LEMD2: variants seen among roughly 807,000 people sequenced by gnomAD.
The protein encoded by LEMD2 is LEM domain-containing protein 2.
In LEMD2, 34 loss-of-function variants were observed where a neutral mutation model predicts 58.8. The ratio of observed to expected loss-of-function variants is 0.58; its 90% CI spans 0.44 to 0.77. LEMD2 has a LOEUF of 0.77. Ranked by LOEUF, LEMD2 falls within the 30% of genes least tolerant of loss-of-function variation. The probability of loss-of-function intolerance (pLI) is 0.00; values close to 1 mark genes in which losing one functional copy is unlikely to be tolerated. For synonymous variants in LEMD2, 298 were observed against 308.9 expected (o/e 0.96, Z 0.37); for missense variants, 629 against 717.9 (o/e 0.88, Z 1.42).
intron 8 of LEMD2, among the ~76,000 whole-genome samples, chr6:33,776,338 T>G (rs540541921): frequency 1.6e-4 from 24 of 152,358 alleles, no homozygotes; most frequent in African/African-American, 5.8e-4. Context: ...AACAGACATG[T>G]AAGAGATTCT....
At position 33,771,827 on chromosome 6, in the gene LEMD2, G is replaced by A. The variant is rs905624466; in HGVS notation, c.*801C>T. 2.0e-5 allele frequency: 3 copies of A among 152,308 alleles called. No homozygotes were observed. The highest frequency in any genetic ancestry group is 7.2e-5 in the African/African-American group (3 of 41,466). 9.4% of individuals were successfully genotyped at this position (152,308 alleles called of 1,614,324 possible). A position where few individuals can be genotyped will look rare whatever the true frequency, so the allele number is the denominator to read the frequency against. On this transcript the variant is annotated 3_prime_UTR_variant, in exon 9 of 9. Coordinates refer to ENST00000293760, the MANE Select transcript of LEMD2 (RefSeq NM_181336.4). ...GCAAGGCGATCTTCGCACACAGCAA[G>A]TGCGAGGCTCTGGGCCCTGACGCAG...
chr6:33,779,842 C>T (rs984818686), intron 5 of LEMD2: 5 of 419,536 alleles, frequency 1.2e-5, no homozygotes, highest in Non-Finnish European at 2.2e-5. Context: ...TTACCTGAGA[C>T]AGGATTTAGC....
intron 1 of LEMD2, 57 bp downstream of exon 1, chr6:33,788,323 GT>G: frequency 6.8e-7 from 1 of 1,478,430 alleles, no homozygotes; most frequent in South Asian, 1.2e-5. Context: ...GGAACGGGGG[GT>G]CCTCCGGCGG....
intron 3 of LEMD2, 38 bp downstream of exon 3, chr6:33,784,314 T>G (rs1443185317): frequency 5.9e-6 from 9 of 1,526,606 alleles, no homozygotes; most frequent in Non-Finnish European, 7.3e-6. Context: ...CCCATAGCTC[T>G]CACAAGAGGA....
intron 2 of LEMD2, among the ~76,000 whole-genome samples, chr6:33,786,489 C>T (rs1767679822): frequency 6.6e-6 from 1 of 152,208 alleles, no homozygotes. Context: ...CCCGATGCTA[C>T]ATTTGATGGG....
chr6:33,780,085 C>A lies in LEMD2; in HGVS notation c.1010+15G>T. On this transcript the variant is annotated intron_variant, in intron 5 of 8. Transcript: ENST00000293760. The stretch of plus-strand genomic sequence containing the variant: ...GCAGGCACCCATGCTGCGTCGCCAC[C>A]CTGCCCACACTCACCAGATGCCCAC... 2 of 1,576,884 alleles carry A rather than the reference C, an allele frequency of 1.3e-6. No homozygotes were observed. Among genetic ancestry groups the A allele is most frequent in the East Asian group, 2.3e-5 (1 of 43,226 alleles).
rs778587180 is a variant in LEMD2 at position 33,778,244 on chromosome 6, CAGA to C, written c.1151_1153del (p.Phe384del). 6.9e-6 allele frequency: 11 copies of C among 1,592,158 alleles called. No individual in the cohort carries two copies. Among genetic ancestry groups the C allele is most frequent in the East Asian group, 4.5e-5 (2 of 43,970 alleles). On this transcript the variant is annotated inframe_deletion, in exon 6 of 9. Coordinates refer to ENST00000293760, the MANE Select transcript of LEMD2 (RefSeq NM_181336.4). The surrounding 1 kb of genome is among the most constrained non-coding windows in gnomAD (Gnocchi z 4.7). Reference sequence around the variant, plus strand: ...AGGGAAGGCGGCCGAGGACTTACACCAGAAGAAGATGAGCACGTTGGTGACAGC... The same window carrying C: ...AGGGAAGGCGGCCGAGGACTTACACCAGAAGATGAGCACGTTGGTGACAGC...
chr6:33,780,169 C>A lies in LEMD2; in HGVS notation c.941G>T (p.Ser314Ile). 1 of 1,589,986 alleles carries A rather than the reference C, an allele frequency of 6.3e-7. No homozygotes were observed. Reference sequence around the variant, plus strand: ...GGCTTCAAACTTGGCGGAGGAGCTGCTGGTCACATTCTGTGGGAGGGCGCG... The same window carrying A: ...GGCTTCAAACTTGGCGGAGGAGCTGATGGTCACATTCTGTGGGAGGGCGCG... ...EAQEYIANVT[S>I]SSSAKFEAAL... The change falls in exon 5 of 9, where the codon AGC (serine) becomes ATC (isoleucine). Residue 314 changes from serine (S) to isoleucine (I), a missense_variant. Physicochemically the swap from Ser to Ile is moderately radical, Grantham distance 142 (BLOSUM62 -2). Coordinates refer to ENST00000293760, the MANE Select transcript of LEMD2 (RefSeq NM_181336.4).
At position 33,776,990 on chromosome 6, in the gene LEMD2, A is replaced by G; in HGVS notation, c.1325T>C (p.Leu442Pro). Residue 442 changes from leucine (L) to proline (P), a missense_variant, in exon 8 of 9, where the codon CTG (leucine) becomes CCG (proline). Around this residue, in one of 2 missense-constraint regions of LEMD2, gnomAD observed 243 missense variants for 336.8 expected, o/e 0.72. Transcript: ENST00000293760. Reference sequence around the variant, plus strand: ...AGGGATCAAGCTGTCGCGCACGTGCAGGATGCCTACATATGGATAGCGCTC... The same window carrying G: ...AGGGATCAAGCTGTCGCGCACGTGCGGGATGCCTACATATGGATAGCGCTC... Reference protein sequence around the residue: ...DMERYPYVGILHVRDSLIPPQ... With the variant: ...DMERYPYVGIPHVRDSLIPPQ... 1 of 1,614,150 alleles carries G rather than the reference A, an allele frequency of 6.2e-7. No homozygotes were observed. The highest frequency in any genetic ancestry group is 1.1e-5 in the South Asian group (1 of 91,084).
chr6:33,784,382 C>T lies in LEMD2; in HGVS notation c.823G>A (p.Glu275Lys). 1 of 1,583,396 alleles carries T rather than the reference C, an allele frequency of 6.3e-7. No homozygotes were observed. The highest frequency in any genetic ancestry group is 8.6e-7 in the Non-Finnish European group (1 of 1,166,986). The change falls in exon 3 of 9, where the codon GAA becomes AAA. Residue 275 changes from glutamate to lysine, a missense_variant. Glu to Lys is a moderately conservative substitution (Grantham distance 56, BLOSUM62 1). Around this residue, in one of 2 missense-constraint regions of LEMD2, gnomAD observed 243 missense variants for 336.8 expected, o/e 0.72. Coordinates refer to ENST00000293760, the MANE Select transcript of LEMD2 (RefSeq NM_181336.4). ...QKAALLELLH[E>K]LYNFLAIQAG... ...TGGATGGCCAGGAAATTGTAGAGTT[C>T]ATGCAGCAGCTCCAGCAAGGCTGCC...
chr6:33,772,933 G>C (rs1227665940), intron 8 of LEMD2, among the ~76,000 whole-genome samples, 155 bp from the exon 9 acceptor site: 1 of 151,620 alleles, frequency 6.6e-6, no homozygotes, highest in African/African-American at 2.4e-5. Flanking sequence ...CTGCAGAGGA[G>C]AAAAACGTCT....
In LEMD2 at chr6:33,778,217, G is replaced by C. The variant is rs774447782; in HGVS notation, c.1156+25C>G. 2.6e-6 allele frequency: 4 copies of C among 1,563,256 alleles called. No individual in the cohort carries two copies. The South Asian group carries it at 4.8e-5, about 19-fold the overall frequency. ...GGAGTATGCTTGACTGCACAGAAGG[G>C]GAGGGAAGGCGGCCGAGGACTTACA... On this transcript the variant is annotated intron_variant, in intron 6 of 8. Coordinates refer to ENST00000293760, the MANE Select transcript of LEMD2 (RefSeq NM_181336.4). The surrounding 1 kb of genome is among the most constrained non-coding windows in gnomAD (Gnocchi z 4.7).
At chr6:33,780,562 T>C (rs1767542923) in intron 4 of LEMD2, among the ~76,000 whole-genome samples, 1 of 149,954 alleles carries the variant, frequency 6.7e-6, no homozygotes, top group Admixed American at 6.8e-5. Flanking sequence ...CTCAGGCAAG[T>C]CCCTGACCCT....
intron 2 of LEMD2, among the ~76,000 whole-genome samples, chr6:33,785,916 C>T (rs750158236): frequency 2.6e-5 from 4 of 152,226 alleles, no homozygotes; most frequent in Non-Finnish European, 5.9e-5. Context: ...CCAGGATGCC[C>T]CCTCATTTAC....
At chr6:33,772,850 A>G in intron 8 of LEMD2, 72 bp from the exon 9 acceptor site, 2 of 1,373,636 alleles carry the variant, frequency 1.5e-6, no homozygotes, top group South Asian at 1.3e-5. Context: ...CCTCCTACAA[A>G]GGGCACACAT....
At chr6:33,784,476 G>GA in intron 2 of LEMD2, 49 bp from the exon 3 acceptor site, 3 of 410,640 alleles carry the variant, frequency 7.3e-6, no homozygotes, top group Non-Finnish European at 1.5e-5. Flanking sequence ...GGGTGGGAGG[G>GA]GTCCGTCTGT....
chr6:33,775,390 T>G (rs1353008680), intron 8 of LEMD2, among the ~76,000 whole-genome samples: 1 of 152,166 alleles, frequency 6.6e-6, no homozygotes, highest in African/African-American at 2.4e-5. Flanking sequence ...TAGTTATAGC[T>G]CACTGTTGCC....
intron 2 of LEMD2, 50 bp from the exon 3 acceptor site, chr6:33,784,477 G>GGGGCCCCCCCC: frequency 2.3e-6 from 1 of 430,806 alleles, no homozygotes; most frequent in Non-Finnish European, 4.8e-6. Context: ...GGTGGGAGGG[G>GGGGCCCCCCCC]TCCGTCTGTC....
chr6:33,780,300 G>A, intron 4 of LEMD2, 121 bp from the exon 5 acceptor site: 1 of 855,812 alleles, frequency 1.2e-6, no homozygotes, highest in Non-Finnish European at 1.9e-6. Flanking sequence ...ACCCTGTTCT[G>A]CTAAAAGCAC....
Sources: gnomAD v4.1 joint callset for allele counts (sites outside exome capture counted in the v4.1 genomes callset) on GRCh38, gnomAD v4.1.1 for gene constraint, gnomAD v4.1.1 regional missense constraint, Gnocchi (gnomAD v3.1) non-coding constraint, MANE v1.5 for transcripts, NCBI Gene and HGNC (gene_info 2026-07-23, HGNC 2026-07-21) for gene names.